SEC14L1: variants seen among roughly 807,000 people sequenced by gnomAD.
SEC14L1 encodes SEC14-like protein 1.
Under a neutral mutation model 85.3 loss-of-function variants are expected in SEC14L1, and 48 were observed. The ratio of observed to expected loss-of-function variants is 0.56; its 90% CI spans 0.45 to 0.72. The LOEUF (loss-of-function observed/expected upper bound fraction) is 0.72, where lower values mean the gene tolerates loss of function less well. Ranked by LOEUF, SEC14L1 falls within the 30% of genes least tolerant of loss-of-function variation. The probability of loss-of-function intolerance (pLI) is 0.00; values close to 1 mark genes in which losing one functional copy is unlikely to be tolerated. For synonymous variants in SEC14L1, 391 were observed against 355.5 expected (o/e 1.10, Z -1.12); for missense variants, 682 against 921.4 (o/e 0.74, Z 3.36).
chr17:77,154,832 G>A (rs1020771080), intron 3 of SEC14L1, among the ~76,000 whole-genome samples: 5 of 152,148 alleles, frequency 3.3e-5, no homozygotes, highest in Non-Finnish European at 7.4e-5. Context: ...GTTTGTAAAT[G>A]TCTTGTGTAT....
At chr17:77,167,064 T>C (rs1240508759) in intron 3 of SEC14L1, among the ~76,000 whole-genome samples, 1 of 151,856 alleles carries the variant, frequency 6.6e-6, no homozygotes, top group Admixed American at 6.6e-5. Context: ...GAGAAGGGAG[T>C]GAATGTTGAA....
rs1457772423 is a variant in SEC14L1, at chr17:77,213,345, A to G, written c.1895A>G (p.Tyr632Cys). The G allele has an allele frequency of 3.7e-6, 6 of 1,612,972 alleles. No homozygotes were observed. The stretch of plus-strand genomic sequence containing the variant: ...CATGTGACCAGGTGGCCGGGCTTCT[A>G]CATCCTGCAGTGGAAATTCCACAGC... ...GSHVTRWPGF[Y>C]ILQWKFHSMP... is the part of the protein sequence containing the mutation. Residue 632 changes from tyrosine (Y) to cysteine (C), a missense_variant, in exon 16 of 17, where the codon TAC becomes TGC. Physicochemically the swap from Tyr to Cys is radical, Grantham distance 194 (BLOSUM62 -2). This residue lies in a region of SEC14L1 where 420 missense variants were observed against 619.5 expected (regional missense o/e 0.68). Coordinates refer to ENST00000436233, the MANE Select transcript of SEC14L1 (RefSeq NM_001143998.2). This position sits in a 1 kb window ranked among gnomAD's most constrained non-coding sequence, Gnocchi z 7.1.
chr17:77,142,609 A>G (rs1266172065), intron 1 of SEC14L1, 37 bp from the exon 2 acceptor site: 1 of 151,006 alleles, frequency 6.6e-6, no homozygotes, highest in African/African-American at 2.4e-5. Context: ...AATAAAATAC[A>G]TCTTGGTAAT....
intron 8 of SEC14L1, among the ~76,000 whole-genome samples, chr17:77,197,959 G>A (rs1975901346): frequency 6.6e-6 from 1 of 152,230 alleles, no homozygotes; most frequent in African/African-American, 2.4e-5. Context: ...GACTTAAGTA[G>A]TAAAGAATTC....
chr17:77,143,850 G>T, intron 3 of SEC14L1, 191 bp downstream of exon 3: 2 of 440,006 alleles, frequency 4.5e-6, no homozygotes, highest in South Asian at 4.3e-5. Context: ...ATAAAAATCT[G>T]CTTATTAAAA....
At chr17:77,120,675 C>T (rs1398395431) in intron 3 of SEC14L1, among the ~76,000 whole-genome samples, 3 of 152,202 alleles carry the variant, frequency 2.0e-5, no homozygotes, top group Non-Finnish European at 4.4e-5. Context: ...TGGGGTTTCA[C>T]CCTGTTGTCC....
At chr17:77,181,179 A>G (rs7214166) in intron 3 of SEC14L1, 23,625 of 152,284 alleles carry the variant, frequency 0.16, 2,047 homozygotes, top group East Asian at 0.38. Flanking sequence ...GAGTTGGCCC[A>G]TGTCTTGCTC....
chr17:77,190,173 G>A (rs1975458272), intron 3 of SEC14L1, among the ~76,000 whole-genome samples: 1 of 151,940 alleles, frequency 6.6e-6, no homozygotes, highest in South Asian at 2.1e-4. Flanking sequence ...TGTTATTATT[G>A]TTTCAGCCTA....
At chr17:77,154,454 C>T (rs1217920205) in intron 3 of SEC14L1, among the ~76,000 whole-genome samples, 1 of 152,140 alleles carries the variant, frequency 6.6e-6, no homozygotes. Flanking sequence ...GGCCCTGTAT[C>T]TAAAAGATGT....
At chr17:77,116,571 T>A (rs569720315) in intron 3 of SEC14L1, among the ~76,000 whole-genome samples, 1 of 152,202 alleles carries the variant, frequency 6.6e-6, no homozygotes, top group African/African-American at 2.4e-5. Context: ...CAGAGAGCCA[T>A]GTGACGGACC....
chr17:77,202,613 G>A (rs534061945), intron 9 of SEC14L1, among the ~76,000 whole-genome samples: 5 of 150,262 alleles, frequency 3.3e-5, no homozygotes, highest in African/African-American at 9.8e-5. Flanking sequence ...GCAAGACTTC[G>A]TCTCAAATAA....
intron 3 of SEC14L1, among the ~76,000 whole-genome samples, chr17:77,154,054 G>A (rs1441583208): frequency 6.6e-6 from 1 of 152,286 alleles, no homozygotes; most frequent in Admixed American, 6.5e-5. Flanking sequence ...GATCAGAAAT[G>A]TTCAGGAAAA....
rs763399110 is a variant in SEC14L1, at chr17:77,209,345, G to A, written c.1480G>A (p.Glu494Lys). ...PDFLSGECMCEVPEGGLVPKS... is the reference protein window; with the variant it reads ...PDFLSGECMCKVPEGGLVPKS... ...ACTGCTGTGTTTCTTCTTCCAGTGCGAAGTGCCAGAGGGTGGACTGGTCCC... is the reference window on the plus strand; with the variant it reads ...ACTGCTGTGTTTCTTCTTCCAGTGCAAAGTGCCAGAGGGTGGACTGGTCCC... The change falls in exon 14 of 17, where the codon GAA (glutamate) becomes AAA (lysine). Residue 494 changes from glutamate to lysine, a missense_variant. Around this residue, in one of 3 missense-constraint regions of SEC14L1, gnomAD observed 420 missense variants for 619.5 expected, o/e 0.68. Transcript: ENST00000436233. The A allele has an allele frequency of 7.4e-6, 12 of 1,613,876 alleles. No homozygotes were observed. The highest frequency in any genetic ancestry group is 3.3e-4 in the Middle Eastern group (2 of 6,084).
chr17:77,089,202 C>A, exon 2 of SEC14L1: 1 of 334,724 alleles, frequency 3.0e-6, no homozygotes, highest in Non-Finnish European at 5.9e-6. Flanking sequence ...TGAAAACATG[C>A]AGCAACCACT....
rs1469190439 is a variant in SEC14L1, at chr17:77,193,294, G to C, written c.346-127G>C. 21 of 830,822 alleles carry C rather than the reference G, an allele frequency of 2.5e-5. No individual in the cohort carries two copies. The Admixed American group carries it at 5.7e-4, about 22-fold the overall frequency. 51.5% of individuals were successfully genotyped at this position (830,822 alleles called of 1,614,324 possible). On this transcript the variant is annotated intron_variant, in intron 5 of 16. Transcript: ENST00000436233. ...GATTTTGGCATTTTTTCCATCTGCT[G>C]TCTTTATGGTAGTAGCATTGTTAGT...
intron 3 of SEC14L1, among the ~76,000 whole-genome samples, chr17:77,178,745 A>T (rs1275505162): frequency 6.6e-6 from 1 of 152,210 alleles, no homozygotes; most frequent in South Asian, 2.1e-4. Context: ...TGAGAGTCTG[A>T]TGCTGCCACT....
upstream of SEC14L1, among the ~76,000 whole-genome samples, chr17:77,139,682 A>G (rs1462483341): frequency 1.3e-5 from 2 of 150,814 alleles, no homozygotes; most frequent in African/African-American, 4.9e-5. Flanking sequence ...TATTTTTAGT[A>G]GAGACAGGGA....
chr17:77,119,045 C>T (rs1972239415), intron 3 of SEC14L1, among the ~76,000 whole-genome samples: 1 of 152,120 alleles, frequency 6.6e-6, no homozygotes, highest in African/African-American at 2.4e-5. Flanking sequence ...TACAGTGGCT[C>T]ATGTCTGTAA....
At chr17:77,196,405 A>G (rs573728498) in intron 8 of SEC14L1, 94 bp downstream of exon 8, 2 of 709,176 alleles carry the variant, frequency 2.8e-6, no homozygotes, top group Admixed American at 2.9e-5. Context: ...GATATTCCCA[A>G]CTTCCACGGC....
Sources: allele counts gnomAD v4.1 joint callset (sites outside exome capture counted in the v4.1 genomes callset), GRCh38; gene constraint gnomAD v4.1.1; regional missense constraint gnomAD v4.1.1; non-coding constraint Gnocchi (gnomAD v3.1); transcripts MANE v1.5; gene names NCBI Gene and HGNC (gene_info 2026-07-23, HGNC 2026-07-21).